The following CHL1 variants were observed in gnomAD, a reference collection of about 807,000 sequenced individuals.
CHL1 encodes the protein neural cell adhesion molecule L1-like protein.
In CHL1, 96 loss-of-function variants were observed where a neutral mutation model predicts 141.9. That is an observed-to-expected ratio of 0.68 (90% CI 0.57 to 0.80). The LOEUF is 0.80. Among genes scored for constraint, CHL1 ranks in the 30% least tolerant of loss-of-function variants. The pLI is 0.00. For missense variants in CHL1, 1,820 were observed against 1,457.2 expected (o/e 1.25, Z -4.05); for synonymous variants, 613 against 502.2 (o/e 1.22, Z -2.95).
chr3:361,935 C>A, intron 13 of CHL1, 125 bp downstream of exon 13: 1 of 647,970 alleles, frequency 1.5e-6, no homozygotes, highest in South Asian at 2.0e-5. Flanking sequence ...ACCTCTGAGA[C>A]ATAAGGTAAC....
intron 16 of CHL1, among the ~76,000 whole-genome samples, chr3:379,090 T>C (rs1706707101): frequency 6.6e-6 from 1 of 152,166 alleles, no homozygotes. Flanking sequence ...AACAGACCTT[T>C]GTGTCTTTAG....
At chr3:202,575 A>G (rs200679497) in intron 1 of CHL1, among the ~76,000 whole-genome samples, 1 of 152,200 alleles carries the variant, frequency 6.6e-6, no homozygotes, top group East Asian at 1.9e-4. Context: ...TGGATTTTTG[A>G]AAACTTCTAG....
rs185341851 is a variant in CHL1 at position 285,604 on chromosome 3, C to A, written c.-94-34079C>A. 2.9e-4 allele frequency among the ~76,000 whole-genome samples: 44 copies of A among 152,262 alleles called. No homozygotes were observed. The East Asian group carries it at 8.3e-3, about 29-fold the overall frequency. On this transcript the variant is annotated intron_variant, in intron 2 of 27. Coordinates refer to ENST00000256509, the MANE Select transcript of CHL1 (RefSeq NM_006614.4). ...TCCTCCCCAGCTGTGTACTCTCAGG[C>A]AAACTACGTAGACTCTACCTCAGTT...
At chr3:302,757 AT>A (rs1416263145) in intron 2 of CHL1, among the ~76,000 whole-genome samples, 1 of 152,050 alleles carries the variant, frequency 6.6e-6, no homozygotes, top group African/African-American at 2.4e-5. Context: ...ATTAGATCCC[AT>A]TTGTCAGTGT....
Position 399,996 on chromosome 3 carries a change from C to T in CHL1, c.3385+848C>T, listed in dbSNP as rs140701892. Among the ~76,000 whole-genome samples the T allele has an allele frequency of 2.1e-3, 320 of 152,238 alleles. 2 individuals carry two copies. Among genetic ancestry groups the T allele is most frequent in the African/African-American group, 7.1e-3 (295 of 41,560 alleles). ...AAAACCATCATAGTTGGTAATATGA[C>T]GTTTGCCTTTAATTTCATTCAACTC... On this transcript the variant is annotated intron_variant, in intron 26 of 27. Coordinates refer to ENST00000256509, the MANE Select transcript of CHL1 (RefSeq NM_006614.4).
chr3:319,218 C>T (rs1272647458), intron 2 of CHL1, among the ~76,000 whole-genome samples: 1 of 111,350 alleles, frequency 9.0e-6, no homozygotes, highest in Non-Finnish European at 1.9e-5. Flanking sequence ...TTGTGGACTA[C>T]TAGATGGGGG....
intron 2 of CHL1, among the ~76,000 whole-genome samples, chr3:296,729 G>A (rs1401354089): frequency 1.3e-5 from 2 of 152,146 alleles, no homozygotes; most frequent in African/African-American, 4.8e-5. Flanking sequence ...AGAAGTGGAA[G>A]GCAGACATTG....
chr3:218,267 C>T (rs1456470917), intron 1 of CHL1, among the ~76,000 whole-genome samples: 1 of 152,158 alleles, frequency 6.6e-6, no homozygotes, highest in Non-Finnish European at 1.5e-5. Context: ...ATACTTTCTG[C>T]ACTGACAGAA....
At chr3:354,103 A>G (rs1478671693) in intron 10 of CHL1, among the ~76,000 whole-genome samples, 5 of 152,142 alleles carry the variant, frequency 3.3e-5, no homozygotes, top group Non-Finnish European at 5.9e-5. Flanking sequence ...CCCTCTTACA[A>G]AAAAACTCTA....
rs1390162732 is a variant in CHL1, at chr3:406,180, T to C, written c.*469T>C. On this transcript the variant is annotated 3_prime_UTR_variant, in exon 28 of 28. Coordinates refer to ENST00000256509, the MANE Select transcript of CHL1 (RefSeq NM_006614.4). ...GTTATTTAAAATGTAAAAAGGAATA[T>C]GAAAGTCTTATTAAAACACTTCATT... 6.5e-6 allele frequency: 1 copy of C among 153,742 alleles called. No homozygotes were observed. The highest frequency in any genetic ancestry group is 1.4e-5 in the Non-Finnish European group (1 of 69,230). The allele number at this position is 153,742 out of a possible 1,614,324, so 9.5% of individuals were successfully genotyped here. A position where few individuals can be genotyped will look rare whatever the true frequency, so the allele number is the denominator to read the frequency against.
At chr3:219,407 A>G (rs1700626990) in intron 1 of CHL1, among the ~76,000 whole-genome samples, 2 of 152,222 alleles carry the variant, frequency 1.3e-5, no homozygotes, top group Admixed American at 1.3e-4. Flanking sequence ...TATTCACAAT[A>G]GCAAAGACAT....
chr3:369,068 T>G (rs968843725), intron 15 of CHL1, among the ~76,000 whole-genome samples: 17 of 152,218 alleles, frequency 1.1e-4, no homozygotes, highest in African/African-American at 4.1e-4. Context: ...GATTGTTTTG[T>G]CTATATGGGG....
chr3:238,055 T>C (rs1574815674), intron 1 of CHL1, among the ~76,000 whole-genome samples: 1 of 152,226 alleles, frequency 6.6e-6, no homozygotes, highest in African/African-American at 2.4e-5. Flanking sequence ...GTTAGACATA[T>C]TGAAGAATTT....
chr3:212,558 G>A (rs762536886), intron 1 of CHL1, among the ~76,000 whole-genome samples: 7 of 152,216 alleles, frequency 4.6e-5, no homozygotes, highest in African/African-American at 1.4e-4. Flanking sequence ...ACATGTCACC[G>A]CTAAAATCCC....
chr3:216,570 T>C (rs1223446775), intron 1 of CHL1, among the ~76,000 whole-genome samples: 1 of 152,224 alleles, frequency 6.6e-6, no homozygotes, highest in African/African-American at 2.4e-5. Flanking sequence ...CTTACAGATG[T>C]CTTGTGTGAG....
At chr3:388,736 C>T (rs998708927) in intron 19 of CHL1, among the ~76,000 whole-genome samples, 11 of 152,050 alleles carry the variant, frequency 7.2e-5, no homozygotes, top group Admixed American at 7.2e-4. Flanking sequence ...TCATATTCTC[C>T]AAAAATATTT....
intron 1 of CHL1, among the ~76,000 whole-genome samples, chr3:229,653 C>A: frequency 6.6e-6 from 1 of 152,188 alleles, no homozygotes; most frequent in South Asian, 2.1e-4. Context: ...GTTCAATACT[C>A]AGCTACTACA....
chr3:290,106 A>G (rs1244886629), intron 2 of CHL1, among the ~76,000 whole-genome samples: 1 of 151,954 alleles, frequency 6.6e-6, no homozygotes, highest in African/African-American at 2.4e-5. Context: ...GCTTAAGAAA[A>G]CTAGGGAGCA....
intron 2 of CHL1, among the ~76,000 whole-genome samples, chr3:265,297 T>C (rs945140336): frequency 6.6e-6 from 1 of 152,166 alleles, no homozygotes; most frequent in Admixed American, 6.5e-5. Flanking sequence ...GCCTGATAGG[T>C]TTTTATATGA....
Sources: gnomAD v4.1 joint callset for allele counts (sites outside exome capture counted in the v4.1 genomes callset) on GRCh38, gnomAD v4.1.1 for gene constraint, MANE v1.5 for transcripts, NCBI Gene and HGNC (gene_info 2026-07-23, HGNC 2026-07-21) for gene names.